Variants in DTNBP1 observed in about 807,000 individuals in gnomAD.
DTNBP1 encodes dystrobrevin binding protein 1, also known as dysbindin.
Under a neutral mutation model 42.8 loss-of-function variants are expected in DTNBP1, and 35 were observed. The observed-to-expected ratio is 0.82, with a 90% confidence interval of 0.63 to 1.09. The LOEUF is 1.09. DTNBP1 is among the 50% of genes least tolerant of loss of function. DTNBP1 has a pLI of 0.00. For missense variants in DTNBP1, 457 were observed against 424.2 expected (o/e 1.08, Z -0.68); for synonymous variants, 171 against 162.2 (o/e 1.05, Z -0.41).
At chr6:15,595,161 T>C (rs758460448) in intron 6 of DTNBP1, 1 of 455,954 alleles carries the variant, frequency 2.2e-6, no homozygotes, top group Non-Finnish European at 4.4e-6. Flanking sequence ...CAGAAAATCA[T>C]TCCTGTACCC....
Position 15,587,253 on chromosome 6 carries a change from TAAAC to T in DTNBP1, c.511+5802_511+5805del, listed in dbSNP as rs1776115451. ...CTGCTTAGAAAAACTGAAGATGGCT[TAAAC>T]AAACATGGATACATTCCATGTTCAT... On this transcript the variant is annotated intron_variant, in intron 7 of 9. Coordinates refer to ENST00000344537, the MANE Select transcript of DTNBP1 (RefSeq NM_032122.5). The surrounding 1 kb of genome is among the most constrained non-coding windows in gnomAD (Gnocchi z 4.1). Among the ~76,000 whole-genome samples the T allele has an allele frequency of 6.6e-6, 1 of 152,188 alleles. No individual in the cohort carries two copies. The highest frequency in any genetic ancestry group is 2.1e-4 in the South Asian group (1 of 4,828).
At chr6:15,523,391 T>C (rs1464369482) in intron 9 of DTNBP1, among the ~76,000 whole-genome samples, 172 bp from the exon 10 acceptor site, 2 of 152,140 alleles carry the variant, frequency 1.3e-5, no homozygotes, top group Non-Finnish European at 2.9e-5. Flanking sequence ...AGCTGAGCGA[T>C]GCCAGAGGCA....
intron 7 of DTNBP1, among the ~76,000 whole-genome samples, chr6:15,582,447 T>A (rs927206003): frequency 6.6e-6 from 1 of 152,212 alleles, no homozygotes; most frequent in African/African-American, 2.4e-5. Context: ...AGCTAACACA[T>A]GTACATGCCT....
intron 4 of DTNBP1, among the ~76,000 whole-genome samples, chr6:15,633,808 C>T (rs532392588): frequency 6.6e-6 from 1 of 151,872 alleles, no homozygotes; most frequent in Non-Finnish European, 1.5e-5. Context: ...AAAAAACAAA[C>T]AAAACTCTCA....
intron 7 of DTNBP1, among the ~76,000 whole-genome samples, chr6:15,571,300 A>T (rs1159864619): frequency 1.3e-5 from 2 of 152,254 alleles, no homozygotes; most frequent in Non-Finnish European, 2.9e-5. Flanking sequence ...CTGCCTATAC[A>T]TAAAAGAAAA....
At chr6:15,558,795 T>C (rs1774670083) in intron 7 of DTNBP1, among the ~76,000 whole-genome samples, 1 of 152,204 alleles carries the variant, frequency 6.6e-6, no homozygotes, top group South Asian at 2.1e-4. Flanking sequence ...AAACTTTTCT[T>C]TTGAGCTATT....
chr6:15,568,160 G>T (rs1324902783), intron 7 of DTNBP1, among the ~76,000 whole-genome samples: 1 of 152,116 alleles, frequency 6.6e-6, no homozygotes, highest in East Asian at 1.9e-4. Flanking sequence ...CTTCAGAGAG[G>T]TATCTTCTGT....
chr6:15,612,230 C>T (rs1201672375), intron 6 of DTNBP1, among the ~76,000 whole-genome samples: 1 of 152,166 alleles, frequency 6.6e-6, no homozygotes, highest in South Asian at 2.1e-4. Flanking sequence ...TCACTGAAGG[C>T]TGATGATCAT....
chr6:15,616,460 C>T (rs1378444791), intron 5 of DTNBP1, among the ~76,000 whole-genome samples: 2 of 152,150 alleles, frequency 1.3e-5, no homozygotes, highest in South Asian at 2.1e-4. Context: ...CATGAGGTGC[C>T]GAAGGAACTC....
chr6:15,636,999 T>C (rs760973789), intron 4 of DTNBP1, among the ~76,000 whole-genome samples: 2 of 152,216 alleles, frequency 1.3e-5, no homozygotes, highest in Non-Finnish European at 2.9e-5. Flanking sequence ...CTACATTTTC[T>C]TCTTATCAGT....
chr6:15,619,578 A>G (rs1349473745), intron 5 of DTNBP1, among the ~76,000 whole-genome samples: 2 of 152,218 alleles, frequency 1.3e-5, no homozygotes. Flanking sequence ...TGTCAGAGCC[A>G]GGAGGAGCCT....
intron 9 of DTNBP1, chr6:15,523,857 A>T: frequency 7.8e-7 from 1 of 1,287,234 alleles, no homozygotes; most frequent in South Asian, 1.2e-5. Context: ...TGAGAAGTTT[A>T]GAGGAAGCTG....
At chr6:15,554,752 CA>C (rs529470196) in intron 7 of DTNBP1, among the ~76,000 whole-genome samples, 1 of 151,994 alleles carries the variant, frequency 6.6e-6, no homozygotes, top group East Asian at 1.9e-4. Flanking sequence ...GACTGATGTA[CA>C]AAAAAATGGT....
rs375715137 is a variant in DTNBP1, at chr6:15,604,047, C to T, written c.489-10966G>A. 2.0e-5 allele frequency among the ~76,000 whole-genome samples: 3 copies of T among 152,342 alleles called. No individual in the cohort carries two copies. In the East Asian group the frequency reaches 5.8e-4, roughly 29 times the overall value. On this transcript the variant is annotated intron_variant, in intron 6 of 9. Transcript: ENST00000344537. Reference sequence around the variant, plus strand: ...GAGTCTGCCAGGCTCTGCCTGGGTCCACTTCCCTGCAGTGCACCCTGGAAA... The same window carrying T: ...GAGTCTGCCAGGCTCTGCCTGGGTCTACTTCCCTGCAGTGCACCCTGGAAA...
At chr6:15,662,700 G>T (rs1438422785) in intron 1 of DTNBP1, 114 bp downstream of exon 1, 18 of 1,418,950 alleles carry the variant, frequency 1.3e-5, no homozygotes, top group Non-Finnish European at 1.8e-5. Flanking sequence ...GGGCGGGGAG[G>T]TGCGGGACAG....
intron 7 of DTNBP1, among the ~76,000 whole-genome samples, chr6:15,590,277 A>G (rs1313567488): frequency 6.6e-6 from 1 of 151,572 alleles, no homozygotes; most frequent in African/African-American, 2.4e-5. Flanking sequence ...AACCTTTACA[A>G]ACAGCTCTTT....
chr6:15,653,809 T>C (rs893306605), intron 1 of DTNBP1, among the ~76,000 whole-genome samples: 57 of 152,254 alleles, frequency 3.7e-4, no homozygotes, highest in African/African-American at 1.3e-3. Context: ...ACAAAGTCTT[T>C]GTAAAAACAG....
At chr6:15,620,425 C>A (rs773989501) in intron 5 of DTNBP1, among the ~76,000 whole-genome samples, 1 of 151,996 alleles carries the variant, frequency 6.6e-6, no homozygotes, top group Non-Finnish European at 1.5e-5. Context: ...TGGGCTTGAG[C>A]GATCTTCCTG....
intron 6 of DTNBP1, among the ~76,000 whole-genome samples, chr6:15,597,964 T>C (rs1776580926): frequency 6.6e-6 from 1 of 152,172 alleles, no homozygotes; most frequent in Non-Finnish European, 1.5e-5. Context: ...TTTCAGAAGA[T>C]CAAACAAAAA....
Sources: gnomAD v4.1 joint callset for allele counts (sites outside exome capture counted in the v4.1 genomes callset) on GRCh38, gnomAD v4.1.1 for gene constraint, Gnocchi (gnomAD v3.1) non-coding constraint, MANE v1.5 for transcripts, NCBI Gene and HGNC (gene_info 2026-07-23, HGNC 2026-07-21) for gene names.